Variants in SYNPR observed in about 807,000 individuals in gnomAD.
SYNPR encodes the protein synaptoporin.
In SYNPR, 23 loss-of-function variants were observed where a neutral mutation model predicts 32.9. The observed-to-expected ratio is 0.70, with a 90% CI of 0.50 to 0.99. SYNPR has a LOEUF of 0.99. Among genes scored for constraint, SYNPR ranks in the 50% least tolerant of loss-of-function variants. The pLI, the probability that SYNPR is intolerant of heterozygous loss-of-function variation, is 0.00. For synonymous variants in SYNPR, 146 were observed against 135.9 expected (o/e 1.07, Z -0.52); for missense variants, 318 against 349.3 (o/e 0.91, Z 0.71).
At chr3:63,431,436 A>G (rs1459050944) in intron 2 of SYNPR, among the ~76,000 whole-genome samples, 4 of 152,186 alleles carry the variant, frequency 2.6e-5, no homozygotes, top group African/African-American at 7.2e-5. Flanking sequence ...TATATTTATC[A>G]CCTCTCACTT....
intron 2 of SYNPR, among the ~76,000 whole-genome samples, chr3:63,460,572 CAAAAAAAAA>C (rs11390803): frequency 2.2e-5 from 1 of 45,708 alleles, no homozygotes; most frequent in Non-Finnish European, 3.9e-5. Flanking sequence ...ATTGGTAGAC[CAAAAAAAAA>C]AAAAAAAAAA....
chr3:63,604,299 T>C (rs1392149953), intron 4 of SYNPR, among the ~76,000 whole-genome samples: 1 of 152,178 alleles, frequency 6.6e-6, no homozygotes, highest in Non-Finnish European at 1.5e-5. Context: ...AAACCAACTT[T>C]AAGATTCATT....
At chr3:63,536,256 AT>A (rs1449975448) in intron 3 of SYNPR, among the ~76,000 whole-genome samples, 1 of 152,198 alleles carries the variant, frequency 6.6e-6, no homozygotes, top group Non-Finnish European at 1.5e-5. Flanking sequence ...TATATGAAGA[AT>A]TCTTATAACT....
intron 3 of SYNPR, among the ~76,000 whole-genome samples, chr3:63,270,833 G>T (rs1450758912): frequency 6.6e-6 from 1 of 151,772 alleles, no homozygotes; most frequent in Non-Finnish European, 1.5e-5. Flanking sequence ...TTTTGATCAT[G>T]GTTTAGAGAA....
chr3:63,228,921 T>C (rs900033104), intron 1 of SYNPR, among the ~76,000 whole-genome samples: 7 of 150,152 alleles, frequency 4.7e-5, no homozygotes, highest in Non-Finnish European at 8.9e-5. Context: ...TGCTATTTCA[T>C]GCGCTTCTCC....
intron 3 of SYNPR, among the ~76,000 whole-genome samples, chr3:63,509,016 A>G (rs1701641256): frequency 6.6e-6 from 1 of 152,062 alleles, no homozygotes; most frequent in Admixed American, 6.6e-5. Flanking sequence ...TGGAAAGAAC[A>G]TAAAACTTCT....
At chr3:63,497,231 A>G (rs1701389818) in intron 3 of SYNPR, among the ~76,000 whole-genome samples, 1 of 152,204 alleles carries the variant, frequency 6.6e-6, no homozygotes, top group Non-Finnish European at 1.5e-5. Flanking sequence ...GAAAATTTGT[A>G]TATTGAATTA....
At chr3:63,342,965 T>C (rs1366317768) in intron 2 of SYNPR, among the ~76,000 whole-genome samples, 1 of 152,176 alleles carries the variant, frequency 6.6e-6, no homozygotes, top group Non-Finnish European at 1.5e-5. Context: ...ATTATGTTGA[T>C]AAAATAAAAA....
At chr3:63,371,008 T>C (rs866488686) in intron 2 of SYNPR, among the ~76,000 whole-genome samples, 1 of 152,076 alleles carries the variant, frequency 6.6e-6, no homozygotes, top group Non-Finnish European at 1.5e-5. Context: ...GAGTAAACCC[T>C]AGACCTTTAA....
chr3:63,304,029 C>T (rs1262000903), intron 2 of SYNPR, among the ~76,000 whole-genome samples: 1 of 152,012 alleles, frequency 6.6e-6, no homozygotes, highest in Non-Finnish European at 1.5e-5. Context: ...TGAGACATCA[C>T]ATGAATTCTC....
chr3:63,273,042 A>G (rs1417702881), intron 3 of SYNPR, among the ~76,000 whole-genome samples: 2 of 152,176 alleles, frequency 1.3e-5, no homozygotes, highest in African/African-American at 4.8e-5. Context: ...GATAAAAATT[A>G]CAATGATTGA....
At chr3:63,322,090 T>C (rs1361244065) in intron 2 of SYNPR, among the ~76,000 whole-genome samples, 1 of 152,004 alleles carries the variant, frequency 6.6e-6, no homozygotes, top group Non-Finnish European at 1.5e-5. Context: ...ATGTCCCTGC[T>C]TGGCCAGAAT....
At chr3:63,302,820 A>G (rs960922943) in intron 2 of SYNPR, among the ~76,000 whole-genome samples, 1 of 152,032 alleles carries the variant, frequency 6.6e-6, no homozygotes, top group Admixed American at 6.6e-5. Flanking sequence ...GATAGAAGAA[A>G]TAAGACCTAG....
At chr3:63,566,754 G>C (rs1253921608) in intron 4 of SYNPR, among the ~76,000 whole-genome samples, 4 of 152,340 alleles carry the variant, frequency 2.6e-5, no homozygotes, top group African/African-American at 9.6e-5. Context: ...CAAATGAAGA[G>C]ACTAACGTTT....
intron 3 of SYNPR, among the ~76,000 whole-genome samples, chr3:63,526,551 T>C (rs1018664443): frequency 6.6e-6 from 1 of 152,316 alleles, no homozygotes; most frequent in African/African-American, 2.4e-5. Context: ...TATTAAGGTG[T>C]ATGTTTATGA....
At chr3:63,524,250 T>A (rs981399077) in intron 3 of SYNPR, among the ~76,000 whole-genome samples, 2 of 151,956 alleles carry the variant, frequency 1.3e-5, no homozygotes, top group African/African-American at 4.8e-5. Context: ...CCGAAAAAAA[T>A]CATCTCACAT....
intron 2 of SYNPR, among the ~76,000 whole-genome samples, chr3:63,361,598 CAAA>C (rs34536474): frequency 5.1e-5 from 4 of 78,854 alleles, no homozygotes; most frequent in African/African-American, 4.6e-5. Flanking sequence ...ACTCTGTCTC[CAAA>C]AAAAAAAAAA....
At chr3:63,377,607 T>A (rs13095409) in intron 2 of SYNPR, among the ~76,000 whole-genome samples, 18,854 of 150,796 alleles carry the variant, frequency 0.13, 1,979 homozygotes, top group East Asian at 0.58. Flanking sequence ...GATGGAACAA[T>A]CCAAGTGAGA....
chr3:63,426,716 T>A (rs577437657), intron 2 of SYNPR: 2 of 152,274 alleles, frequency 1.3e-5, no homozygotes, highest in East Asian at 3.9e-4. Context: ...TTCTCACCAG[T>A]CTTGACTTCC....
Sources: gnomAD v4.1 joint callset for allele counts (sites outside exome capture counted in the v4.1 genomes callset) on GRCh38, gnomAD v4.1.1 for gene constraint, MANE v1.5 for transcripts, NCBI Gene and HGNC (gene_info 2026-07-23, HGNC 2026-07-21) for gene names.